LRRC4C: variants seen among roughly 807,000 people sequenced by gnomAD.
LRRC4C encodes the protein leucine-rich repeat-containing protein 4C.
LRRC4C carries 5 observed loss-of-function variants against 33.6 expected under a neutral mutation model. The ratio of observed to expected loss-of-function variants is 0.15; its 90% CI spans 0.08 to 0.31. The LOEUF (loss-of-function observed/expected upper bound fraction) is 0.31, where lower values mean the gene tolerates loss of function less well. Among genes scored for constraint, LRRC4C ranks in the 10% least tolerant of loss-of-function variants. LRRC4C has a pLI of 1.00. For missense variants in LRRC4C, 560 were observed against 796.7 expected (o/e 0.70, Z 3.58); for synonymous variants, 329 against 302.0 (o/e 1.09, Z -0.93).
intron 2 of LRRC4C, among the ~76,000 whole-genome samples, chr11:40,704,212 C>T (rs1344088696): frequency 6.6e-6 from 1 of 152,090 alleles, no homozygotes; most frequent in Non-Finnish European, 1.5e-5. Flanking sequence ...TATGCAAATA[C>T]TACATCATTT....
chr11:40,153,213 C>A (rs894938377), intron 5 of LRRC4C, among the ~76,000 whole-genome samples: 1 of 152,160 alleles, frequency 6.6e-6, no homozygotes, highest in Non-Finnish European at 1.5e-5. Flanking sequence ...GTTTGGCTCA[C>A]AGGAAGCCAT....
intron 3 of LRRC4C, among the ~76,000 whole-genome samples, chr11:40,510,264 A>C (rs556058450): frequency 6.6e-6 from 1 of 150,512 alleles, no homozygotes; most frequent in East Asian, 1.9e-4. Context: ...AATAGTTCTG[A>C]ACTACTGACC....
intron 1 of LRRC4C, among the ~76,000 whole-genome samples, chr11:41,066,364 A>AG (rs1202236137): frequency 6.6e-6 from 1 of 152,324 alleles, no homozygotes; most frequent in African/African-American, 2.4e-5. Flanking sequence ...ACCAGATTAG[A>AG]GAAAAAAGAA....
intron 1 of LRRC4C, among the ~76,000 whole-genome samples, chr11:40,936,436 T>C (rs10768649): frequency 0.4 from 59,422 of 149,240 alleles, 12,240 homozygotes; most frequent in East Asian, 0.69. Context: ...CTCCCAGGTT[T>C]ACGCCATTCT....
At chr11:40,608,328 T>A (rs2135862026) in intron 3 of LRRC4C, among the ~76,000 whole-genome samples, 1 of 152,160 alleles carries the variant, frequency 6.6e-6, no homozygotes, top group East Asian at 1.9e-4. Flanking sequence ...TTGTCATTAC[T>A]ATAAGATCTT....
intron 1 of LRRC4C, among the ~76,000 whole-genome samples, chr11:40,971,912 G>A (rs1175817948): frequency 6.6e-6 from 1 of 152,132 alleles, no homozygotes; most frequent in Non-Finnish European, 1.5e-5. Context: ...GACTTGCGTG[G>A]GGCCTGTAGC....
intron 1 of LRRC4C, among the ~76,000 whole-genome samples, chr11:41,370,324 T>C (rs1457352603): frequency 1.3e-5 from 2 of 152,100 alleles, no homozygotes; most frequent in Admixed American, 1.3e-4. Flanking sequence ...TCTGGGACCA[T>C]AGGTGTGTAC....
At chr11:40,745,862 G>T (rs1948390862) in intron 2 of LRRC4C, among the ~76,000 whole-genome samples, 2 of 152,094 alleles carry the variant, frequency 1.3e-5, no homozygotes. Flanking sequence ...GAATCAAAAA[G>T]AATAATGCTT....
At chr11:40,965,536 A>G (rs1341589064) in intron 1 of LRRC4C, among the ~76,000 whole-genome samples, 8 of 152,212 alleles carry the variant, frequency 5.3e-5, no homozygotes, top group African/African-American at 1.7e-4. Context: ...ATCTTGAATT[A>G]ATTTTTGTAT....
intron 2 of LRRC4C, among the ~76,000 whole-genome samples, chr11:40,881,572 A>T (rs937295540): frequency 2.0e-5 from 3 of 151,676 alleles, no homozygotes; most frequent in Admixed American, 6.6e-5. Flanking sequence ...TCAACAGTTT[A>T]TTCTCATTTT....
intron 3 of LRRC4C, among the ~76,000 whole-genome samples, chr11:40,591,550 T>C (rs1404196883): frequency 2.0e-5 from 3 of 152,204 alleles, no homozygotes; most frequent in Non-Finnish European, 2.9e-5. Flanking sequence ...CTCAGGTGTG[T>C]TTTATTGTGT....
chr11:40,252,162 A>C (rs1307894657), intron 4 of LRRC4C, among the ~76,000 whole-genome samples: 1 of 151,994 alleles, frequency 6.6e-6, no homozygotes, highest in Admixed American at 6.6e-5. Context: ...TGATCATCTC[A>C]AGCGGTGGTA....
intron 2 of LRRC4C, among the ~76,000 whole-genome samples, chr11:40,668,256 C>T: frequency 6.6e-6 from 1 of 152,114 alleles, no homozygotes; most frequent in East Asian, 1.9e-4. Flanking sequence ...GTAAATCACA[C>T]ATAATATTTG....
At chr11:40,267,997 A>G (rs371328043) in intron 4 of LRRC4C, among the ~76,000 whole-genome samples, 31 of 152,280 alleles carry the variant, frequency 2.0e-4, no homozygotes, top group African/African-American at 5.5e-4. Context: ...ATGAAATTAC[A>G]TAGGAACAGC....
chr11:40,115,696 C>T lies in LRRC4C; in HGVS notation c.597G>A (p.Leu199=), dbSNP rs779823721. 2 of 1,614,120 alleles carry T rather than the reference C, an allele frequency of 1.2e-6. No homozygotes were observed. Residue 199 remains leucine, a synonymous_variant, in exon 7 of 7, where the codon TTG becomes TTA. Transcript: ENST00000528697. The surrounding 1 kb of genome is among the most constrained non-coding windows in gnomAD (Gnocchi z 6.7). ...TGCACATGGCAAGGTTCAAATACCTCAAGTTGGACAGACCTTCAAAGGCAC... is the reference window on the plus strand; with the variant it reads ...TGCACATGGCAAGGTTCAAATACCTTAAGTTGGACAGACCTTCAAAGGCAC... The part of the protein sequence containing the change: ...SEGAFEGLSN[L]RYLNLAMCNL...
intron 3 of LRRC4C, among the ~76,000 whole-genome samples, chr11:40,587,650 A>G (rs1473380572): frequency 6.6e-6 from 1 of 151,534 alleles, no homozygotes; most frequent in African/African-American, 2.4e-5. Flanking sequence ...AATACGTCCC[A>G]TCAATACCTA....
At chr11:41,173,307 G>C (rs539533231) in intron 1 of LRRC4C, among the ~76,000 whole-genome samples, 12 of 152,098 alleles carry the variant, frequency 7.9e-5, no homozygotes, top group Non-Finnish European at 1.5e-4. Flanking sequence ...AAAAGCTGTA[G>C]ATTCAAAACT....
intron 1 of LRRC4C, among the ~76,000 whole-genome samples, chr11:41,183,280 G>A (rs1185064936): frequency 2.0e-5 from 3 of 152,090 alleles, no homozygotes; most frequent in African/African-American, 7.2e-5. Flanking sequence ...AAAGTCCACA[G>A]TCTAAAGTCT....
intron 4 of LRRC4C, among the ~76,000 whole-genome samples, chr11:40,301,397 G>A (rs900859065): frequency 6.6e-6 from 1 of 152,190 alleles, no homozygotes; most frequent in Admixed American, 6.5e-5. Context: ...TCTTTGCACT[G>A]GGAAGAAAAT....
Sources: gnomAD v4.1 joint callset for allele counts (sites outside exome capture counted in the v4.1 genomes callset) on GRCh38, gnomAD v4.1.1 for gene constraint, Gnocchi (gnomAD v3.1) non-coding constraint, MANE v1.5 for transcripts, NCBI Gene and HGNC (gene_info 2026-07-23, HGNC 2026-07-21) for gene names.